NPHS1: variants seen among roughly 807,000 people sequenced by gnomAD.
The protein encoded by NPHS1 is NPHS1 adhesion molecule, nephrin.
A neutral mutation model predicts 139.7 loss-of-function variants in NPHS1; 107 were observed. The observed-to-expected ratio is 0.77, with a 90% CI of 0.66 to 0.90. The LOEUF is 0.90. Among genes scored for constraint, NPHS1 ranks in the 40% least tolerant of loss-of-function variants. The pLI, the probability that NPHS1 is intolerant of heterozygous loss-of-function variation, is 0.00. For synonymous variants in NPHS1, 707 were observed against 706.6 expected, an observed-to-expected ratio of 1.00 and a Z score of -0.01; for missense variants, 1,580 against 1,654.2, an observed-to-expected ratio of 0.96 and a Z score of 0.78.
Position 35,850,241 on chromosome 19 carries a change from G to A in NPHS1, c.608+123C>T. 3 of 765,866 alleles carry A rather than the reference G, an allele frequency of 3.9e-6. No individual in the cohort carries two copies. In the South Asian group the frequency reaches 4.4e-5, roughly 11 times the overall value. 47.4% of individuals were successfully genotyped at this position (765,866 alleles called of 1,614,324 possible). ...CCCATGAAGAAGCTTTGAGAGTCAG[G>A]ATGAAGAATTGGGTCCCAGATGTTC... On this transcript the variant is annotated intron_variant, in intron 5 of 28. Coordinates refer to ENST00000378910, the MANE Select transcript of NPHS1 (RefSeq NM_004646.4).
At position 35,831,284 on chromosome 19, in the gene NPHS1, A is replaced by AC; in HGVS notation, c.3387+11dup. 1 of 1,613,246 alleles carries AC rather than the reference A, an allele frequency of 6.2e-7. No individual in the cohort carries two copies. Among genetic ancestry groups the AC allele is most frequent in the Non-Finnish European group, 8.5e-7 (1 of 1,179,610 alleles). On this transcript the variant is annotated intron_variant, in intron 26 of 28. Transcript: ENST00000378910. ...CCCTGATTGTGGGGTCACCAGGGCC[A>AC]CCCCCACTTACCGTGGAGCTCTGAG... is the stretch of plus-strand genomic sequence containing the variant.
At position 35,825,656 on chromosome 19, in the gene NPHS1, A is replaced by G. The variant is rs1002134836; in HGVS notation, c.*858T>C. 1.3e-5 allele frequency among the ~76,000 whole-genome samples: 2 copies of G among 152,136 alleles called. No individual in the cohort carries two copies. Among genetic ancestry groups the G allele is most frequent in the Non-Finnish European group, 2.9e-5 (2 of 68,036 alleles). On this transcript the variant is annotated 3_prime_UTR_variant, in exon 29 of 29. Coordinates refer to ENST00000378910, the MANE Select transcript of NPHS1 (RefSeq NM_004646.4). ...AAACGAAAGCACACACACAGTACAT[A>G]TTCTTTTCCTCTAGCTTCTTTTGAT...
Position 35,844,085 on chromosome 19 carries a change from A to G in NPHS1, c.2212+18T>C, listed in dbSNP as rs1180718870. On this transcript the variant is annotated intron_variant, in intron 16 of 28. Coordinates refer to ENST00000378910, the MANE Select transcript of NPHS1 (RefSeq NM_004646.4). ...GGTTCCTTGGGTGGGTGTGGTTTCC[A>G]TGGTGGGCGGGGCTCACAGTGCACG... 2 of 1,604,754 alleles carry G rather than the reference A, an allele frequency of 1.2e-6. No homozygotes were observed. Among genetic ancestry groups the G allele is most frequent in the Non-Finnish European group, 1.7e-6 (2 of 1,178,278 alleles).
At position 35,826,597 on chromosome 19, in the gene NPHS1, C is replaced by T. The variant is rs901965982; in HGVS notation, c.3643G>A (p.Gly1215Arg). ...WPEDTYQDPR[G>R]IYDQVAGDLD... is the part of the protein sequence containing the mutation. Reference sequence around the variant, plus strand: ...TCTCCGGCCACCTGGTCATAGATTCCTCTTGGATCCTGATATGTGTCTTCA... The same window carrying T: ...TCTCCGGCCACCTGGTCATAGATTCTTCTTGGATCCTGATATGTGTCTTCA... Residue 1215 changes from glycine to arginine, a missense_variant, in exon 29 of 29, where the codon GGA (glycine) becomes AGA (arginine). Gly to Arg is a moderately radical substitution (Grantham distance 125). Transcript: ENST00000378910. 3.7e-6 allele frequency: 6 copies of T among 1,614,052 alleles called. No individual in the cohort carries two copies. Among genetic ancestry groups the T allele is most frequent in the Non-Finnish European group, 4.2e-6 (5 of 1,180,004 alleles).
intron 28 of NPHS1, among the ~76,000 whole-genome samples, chr19:35,827,155 T>TC (rs964332414): frequency 2.0e-5 from 3 of 151,960 alleles, no homozygotes; most frequent in Non-Finnish European, 4.4e-5. Context: ...TTTGAATTTT[T>TC]TTTTTTTTTA....
intron 20 of NPHS1, among the ~76,000 whole-genome samples, chr19:35,840,082 G>T (rs1252639154): frequency 6.7e-6 from 1 of 149,980 alleles, no homozygotes; most frequent in Non-Finnish European, 1.5e-5. Flanking sequence ...TTGGCTCACT[G>T]CAACCTCCAC....
intron 23 of NPHS1, 99 bp downstream of exon 23, chr19:35,835,606 C>T (rs1340099924): frequency 1.4e-5 from 16 of 1,104,332 alleles, no homozygotes; most frequent in East Asian, 2.4e-5. Flanking sequence ...AGAACTAAGT[C>T]GTTAAGCAGC....
chr19:35,844,476 G>A lies in NPHS1; in HGVS notation c.1931-17C>T, dbSNP rs756917373. On this transcript the variant is annotated splice_polypyrimidine_tract_variant and intron_variant, in intron 14 of 28. Coordinates refer to ENST00000378910, the MANE Select transcript of NPHS1 (RefSeq NM_004646.4). The stretch of plus-strand genomic sequence containing the variant: ...CTGGACGGTCTTCAGAGGGGGCGCC[G>A]CAGGGAGTCAAGATTGTTGTTAAGG... 11 of 1,553,826 alleles carry A rather than the reference G, an allele frequency of 7.1e-6. No homozygotes were observed. The highest frequency in any genetic ancestry group is 1.2e-5 in the South Asian group (1 of 85,038).
chr19:35,850,527 G>T, intron 4 of NPHS1, 82 bp from the exon 5 acceptor site: 1 of 1,222,370 alleles, frequency 8.2e-7, no homozygotes, highest in Non-Finnish European at 1.2e-6. Flanking sequence ...AGTCCTCAGG[G>T]TGGGTGCGAT....
intron 23 of NPHS1, among the ~76,000 whole-genome samples, chr19:35,833,806 C>T (rs1478907368): frequency 6.6e-6 from 1 of 152,188 alleles, no homozygotes; most frequent in African/African-American, 2.4e-5. Flanking sequence ...AATCAATCCT[C>T]CCGCATCAGC....
chr19:35,843,466 C>A lies in NPHS1; in HGVS notation c.2334+6G>T, dbSNP rs779981333. ...CACCTCTATTCACCAAAGGCTGGAT[C>A]CTCACCAGTCTCTCCCAGTTGAACA... is the stretch of plus-strand genomic sequence containing the variant. On this transcript the variant is annotated splice_donor_region_variant and intron_variant, in intron 17 of 28. Coordinates refer to ENST00000378910, the MANE Select transcript of NPHS1 (RefSeq NM_004646.4). 1 of 1,613,910 alleles carries A rather than the reference C, an allele frequency of 6.2e-7. No homozygotes were observed. The highest frequency in any genetic ancestry group is 1.7e-5 in the Admixed American group (1 of 59,998).
intron 24 of NPHS1, 64 bp downstream of exon 24, chr19:35,831,579 A>G: frequency 1.2e-6 from 2 of 1,611,436 alleles, no homozygotes; most frequent in African/African-American, 2.7e-5. Flanking sequence ...TTCAGTATGC[A>G]GCAACCACAG....
intron 16 of NPHS1, 150 bp downstream of exon 16, chr19:35,843,953 G>A: frequency 9.2e-7 from 1 of 1,090,054 alleles, no homozygotes; most frequent in Non-Finnish European, 1.3e-6. Flanking sequence ...TCCGCAGTGG[G>A]CGTGGTTACA....
In NPHS1 at chr19:35,848,990, G is replaced by A; in HGVS notation, c.998C>T (p.Thr333Ile). The A allele has an allele frequency of 6.2e-7, 1 of 1,611,890 alleles. No individual in the cohort carries two copies. Among genetic ancestry groups the A allele is most frequent in the Non-Finnish European group, 8.5e-7 (1 of 1,180,036 alleles). Residue 333 changes from threonine (T) to isoleucine (I), a missense_variant, in exon 8 of 29, where the codon ACA (threonine) becomes ATA (isoleucine). Physicochemically the swap from Thr to Ile is moderately conservative, Grantham distance 89. Coordinates refer to ENST00000378910, the MANE Select transcript of NPHS1 (RefSeq NM_004646.4). ...VSAGTQEHGITLQVTFPPSAI... is the reference protein window; with the variant it reads ...VSAGTQEHGIILQVTFPPSAI... Reference sequence around the variant, plus strand: ...CCAGGACTCACAGGTGACCTGCAGTGTGATGCCGTGCTCCTGGGTCCCTGC... The same window carrying A: ...CCAGGACTCACAGGTGACCTGCAGTATGATGCCGTGCTCCTGGGTCCCTGC...
intron 23 of NPHS1, among the ~76,000 whole-genome samples, chr19:35,832,470 G>A (rs1018423645): frequency 1.3e-5 from 2 of 151,938 alleles, no homozygotes; most frequent in Non-Finnish European, 2.9e-5. Context: ...CTTGAACCTG[G>A]TAAGTCAAGG....
At chr19:35,830,822 T>A (rs1332621144) in intron 28 of NPHS1, 22 bp downstream of exon 28, 3 of 1,423,212 alleles carry the variant, frequency 2.1e-6, no homozygotes, top group Non-Finnish European at 2.0e-6. Flanking sequence ...GGAAGGATGG[T>A]TGCTGATGCA....
chr19:35,831,410 C>T (rs748227162), intron 25 of NPHS1, 39 bp from the exon 26 acceptor site: 5 of 1,612,812 alleles, frequency 3.1e-6, no homozygotes, highest in Admixed American at 1.7e-5. Context: ...TGAGTGCTGC[C>T]CCCCGCCACC....
At chr19:35,837,034 G>GAAAGAA (rs1482111600) in intron 22 of NPHS1, among the ~76,000 whole-genome samples, 2 of 67,140 alleles carry the variant, frequency 3.0e-5, no homozygotes, top group Admixed American at 2.5e-4. Context: ...AGAAAAGAAA[G>GAAAGAA]AAAGAAAGAA....
chr19:35,835,575 C>T (rs547968598), intron 23 of NPHS1, 130 bp downstream of exon 23: 14 of 845,420 alleles, frequency 1.7e-5, no homozygotes, highest in East Asian at 4.9e-5. Flanking sequence ...GGATTACAGG[C>T]GTGAGCGACT....
Sources: gnomAD v4.1 joint callset for allele counts (sites outside exome capture counted in the v4.1 genomes callset) on GRCh38, gnomAD v4.1.1 for gene constraint, MANE v1.5 for transcripts, NCBI Gene and HGNC (gene_info 2026-07-23, HGNC 2026-07-21) for gene names.